The following LRMDA variants were observed in gnomAD, a reference collection of about 807,000 sequenced individuals.
LRMDA encodes the protein leucine-rich melanocyte differentiation-associated protein.
A neutral mutation model predicts 29.8 loss-of-function variants in LRMDA; 18 were observed. The ratio of observed to expected loss-of-function variants is 0.60; its 90% CI spans 0.42 to 0.90. The LOEUF is 0.90. LRMDA is among the 40% of genes least tolerant of loss of function. LRMDA has a pLI of 0.00. For missense variants in LRMDA, 273 were observed against 273.9 expected (o/e 1.00, Z 0.02); for synonymous variants, 125 against 109.4 (o/e 1.14, Z -0.89).
intron 2 of LRMDA, among the ~76,000 whole-genome samples, chr10:76,028,754 G>A (rs1017812465): frequency 1.2e-4 from 18 of 150,474 alleles, no homozygotes; most frequent in South Asian, 1.1e-3. Flanking sequence ...ACCTAAGATT[G>A]TCATTTTCTA....
intron 5 of LRMDA, among the ~76,000 whole-genome samples, chr10:76,073,571 GTA>G (rs1367601951): frequency 6.6e-6 from 1 of 152,192 alleles, no homozygotes; most frequent in Non-Finnish European, 1.5e-5. Context: ...GTGTGTGTGT[GTA>G]TGTGTGTTTC....
chr10:76,484,284 G>C lies in LRMDA; in HGVS notation c.602-72925G>C, dbSNP rs1363909062. 2.0e-5 allele frequency among the ~76,000 whole-genome samples: 3 copies of C among 149,690 alleles called. No individual in the cohort carries two copies. In the East Asian group the frequency reaches 6.0e-4, roughly 30 times the overall value. On this transcript the variant is annotated intron_variant, in intron 6 of 6. Coordinates refer to ENST00000611255, the MANE Select transcript of LRMDA (RefSeq NM_001305581.2). ...CTTTTCCTCCAATTTTTCCTTAACTGTTTTAGAAATTATTTAGAAGTTCTT... is the reference window on the plus strand; with the variant it reads ...CTTTTCCTCCAATTTTTCCTTAACTCTTTTAGAAATTATTTAGAAGTTCTT...
chr10:75,851,182 C>T (rs1243448668), intron 2 of LRMDA, among the ~76,000 whole-genome samples: 2 of 152,046 alleles, frequency 1.3e-5, no homozygotes, highest in African/African-American at 4.8e-5. Flanking sequence ...ACAAGGGAAC[C>T]TTGGTTACTT....
At chr10:75,965,947 A>G (rs1846852310) in intron 2 of LRMDA, among the ~76,000 whole-genome samples, 1 of 152,192 alleles carries the variant, frequency 6.6e-6, no homozygotes, top group Non-Finnish European at 1.5e-5. Flanking sequence ...TTCATGTAGC[A>G]ACCTTTTCTG....
At chr10:76,557,058 A>G in intron 6 of LRMDA, 151 bp from the exon 7 acceptor site, 1 of 648,234 alleles carries the variant, frequency 1.5e-6, no homozygotes, top group East Asian at 2.7e-5. Context: ...CTGTGAGGAC[A>G]AAAAGGGAGA....
chr10:76,099,688 A>G (rs1849367177), intron 5 of LRMDA, among the ~76,000 whole-genome samples: 1 of 152,210 alleles, frequency 6.6e-6, no homozygotes, highest in East Asian at 1.9e-4. Flanking sequence ...ACTTGGCAAT[A>G]TTCCAGATAT....
chr10:76,432,836 G>A (rs540015553), intron 6 of LRMDA, among the ~76,000 whole-genome samples: 32 of 152,262 alleles, frequency 2.1e-4, no homozygotes, highest in East Asian at 1.2e-3. Flanking sequence ...TCCACGGGCC[G>A]AGGGCTCACC....
intron 6 of LRMDA, among the ~76,000 whole-genome samples, chr10:76,414,038 C>A (rs187488292): frequency 9.2e-5 from 14 of 152,258 alleles, no homozygotes; most frequent in Admixed American, 9.2e-4. Context: ...GACTTCAAAC[C>A]CAGGCAGAAT....
intron 5 of LRMDA, among the ~76,000 whole-genome samples, chr10:76,244,674 G>C (rs1852342075): frequency 6.6e-6 from 1 of 152,130 alleles, no homozygotes; most frequent in African/African-American, 2.4e-5. Flanking sequence ...CATGGGAGGG[G>C]AGTGCGTATA....
intron 5 of LRMDA, among the ~76,000 whole-genome samples, chr10:76,125,449 G>A (rs556154475): frequency 6.6e-6 from 1 of 152,180 alleles, no homozygotes; most frequent in Non-Finnish European, 1.5e-5. Flanking sequence ...TGTATATTTG[G>A]AAGTTGCATG....
At chr10:76,476,599 AAAG>A (rs1259305944) in intron 6 of LRMDA, among the ~76,000 whole-genome samples, 9 of 152,192 alleles carry the variant, frequency 5.9e-5, no homozygotes, top group Non-Finnish European at 1.3e-4. Flanking sequence ...CACAATAAAA[AAAG>A]AGAATTTTAG....
At chr10:75,582,503 G>T (rs546124957) in intron 2 of LRMDA, among the ~76,000 whole-genome samples, 23 of 152,188 alleles carry the variant, frequency 1.5e-4, no homozygotes, top group Non-Finnish European at 2.8e-4. Context: ...ACAGGGAGCA[G>T]TGTCCTGAGG....
intron 2 of LRMDA, among the ~76,000 whole-genome samples, chr10:75,608,247 G>T (rs953992903): frequency 2.0e-5 from 3 of 151,678 alleles, no homozygotes; most frequent in South Asian, 2.1e-4. Context: ...GAAGACTACT[G>T]CATGATCTCA....
chr10:75,928,592 C>T (rs540806922), intron 2 of LRMDA, among the ~76,000 whole-genome samples: 127 of 152,144 alleles, frequency 8.3e-4, no homozygotes, highest in East Asian at 1.5e-3. Flanking sequence ...TCATATACCG[C>T]GAGGGTAGTT....
intron 2 of LRMDA, among the ~76,000 whole-genome samples, chr10:75,849,736 C>T (rs1266488714): frequency 6.6e-6 from 1 of 152,096 alleles, no homozygotes; most frequent in African/African-American, 2.4e-5. Flanking sequence ...CTTGCACATC[C>T]TGTACATGTA....
intron 2 of LRMDA, among the ~76,000 whole-genome samples, chr10:75,766,320 C>T (rs907037797): frequency 5.3e-5 from 8 of 152,196 alleles, no homozygotes; most frequent in Non-Finnish European, 1.0e-4. Flanking sequence ...GCATCTTGAT[C>T]TGATGGGTTT....
At chr10:75,691,304 T>G (rs1180704921) in intron 2 of LRMDA, among the ~76,000 whole-genome samples, 2 of 151,328 alleles carry the variant, frequency 1.3e-5, no homozygotes, top group African/African-American at 4.9e-5. Flanking sequence ...GTGCTGTTTT[T>G]TGTGTGTGCA....
intron 6 of LRMDA, among the ~76,000 whole-genome samples, chr10:76,372,693 T>G (rs2132460296): frequency 6.6e-6 from 1 of 152,150 alleles, no homozygotes; most frequent in South Asian, 2.1e-4. Flanking sequence ...TGATAGTATA[T>G]TCAGCATCTT....
chr10:75,659,020 A>G (rs534462981), intron 2 of LRMDA, among the ~76,000 whole-genome samples: 10 of 152,190 alleles, frequency 6.6e-5, no homozygotes, highest in Non-Finnish European at 1.2e-4. Context: ...GCCTGGCCCC[A>G]CCGGCAGGAG....
Sources: gnomAD v4.1 joint callset for allele counts (sites outside exome capture counted in the v4.1 genomes callset) on GRCh38, gnomAD v4.1.1 for gene constraint, MANE v1.5 for transcripts, NCBI Gene and HGNC (gene_info 2026-07-23, HGNC 2026-07-21) for gene names.